KIAA1328: variants seen among roughly 807,000 people sequenced by gnomAD.
KIAA1328 encodes the protein KIAA1328, also known as protein hinderin.
In KIAA1328, 52 loss-of-function variants were observed where a neutral mutation model predicts 68.1. The observed-to-expected ratio is 0.76, with a 90% confidence interval of 0.61 to 0.96. KIAA1328 has a LOEUF of 0.96. KIAA1328 is among the 40% of genes least tolerant of loss of function. The pLI is 0.00. For missense variants in KIAA1328, 641 were observed against 677.6 expected, an observed-to-expected ratio of 0.95 and a Z score of 0.60; for synonymous variants, 232 against 239.4, an observed-to-expected ratio of 0.97 and a Z score of 0.28.
chr18:36,926,905 C>G (rs1195681181), intron 5 of KIAA1328, among the ~76,000 whole-genome samples: 1 of 152,110 alleles, frequency 6.6e-6, no homozygotes, highest in Non-Finnish European at 1.5e-5. Flanking sequence ...CCTCAGGAAG[C>G]TTACAGTCAT....
intron 7 of KIAA1328, among the ~76,000 whole-genome samples, chr18:37,138,845 ATAT>A (rs1160764453): frequency 7.9e-5 from 12 of 152,134 alleles, no homozygotes; most frequent in Non-Finnish European, 1.5e-4. Flanking sequence ...CTGTCAGATA[ATAT>A]TATTGGATAT....
intron 6 of KIAA1328, among the ~76,000 whole-genome samples, chr18:37,004,369 C>T (rs1262614621): frequency 6.6e-6 from 1 of 151,590 alleles, no homozygotes; most frequent in East Asian, 1.9e-4. Flanking sequence ...TGACAGAGGA[C>T]TAATATCCAG....
At chr18:37,160,800 A>G (rs1014913212) in intron 8 of KIAA1328, among the ~76,000 whole-genome samples, 2 of 152,200 alleles carry the variant, frequency 1.3e-5, no homozygotes, top group African/African-American at 2.4e-5. Flanking sequence ...ACAATTCCCC[A>G]TATTGTGACT....
At chr18:37,186,816 T>G (rs1442067084) in intron 9 of KIAA1328, among the ~76,000 whole-genome samples, 1 of 152,172 alleles carries the variant, frequency 6.6e-6, no homozygotes, top group African/African-American at 2.4e-5. Context: ...TTATTAAGGC[T>G]TTCATTGATT....
intron 9 of KIAA1328, among the ~76,000 whole-genome samples, chr18:37,183,957 C>T (rs2059745333): frequency 1.3e-5 from 2 of 152,292 alleles, no homozygotes; most frequent in African/African-American, 2.4e-5. Context: ...CCTCTCCTGC[C>T]CCACAAAGGA....
chr18:37,040,809 T>A (rs2055216073), intron 6 of KIAA1328, among the ~76,000 whole-genome samples: 1 of 151,876 alleles, frequency 6.6e-6, no homozygotes, highest in African/African-American at 2.4e-5. Flanking sequence ...TCCTTTTCAA[T>A]CCATGATTTT....
chr18:37,182,178 G>A (rs1044131186), intron 9 of KIAA1328, among the ~76,000 whole-genome samples: 2 of 152,050 alleles, frequency 1.3e-5, no homozygotes, highest in African/African-American at 4.8e-5. Context: ...TGTTCATTTG[G>A]TCCAAGGTTA....
At chr18:36,980,009 G>C (rs2052620909) in intron 6 of KIAA1328, among the ~76,000 whole-genome samples, 1 of 152,016 alleles carries the variant, frequency 6.6e-6, no homozygotes, top group Admixed American at 6.6e-5. Flanking sequence ...TTGAAGGAGT[G>C]GGTTCCCTTA....
At chr18:37,054,040 G>T (rs2055811928) in intron 6 of KIAA1328, among the ~76,000 whole-genome samples, 1 of 150,250 alleles carries the variant, frequency 6.7e-6, no homozygotes, top group African/African-American at 2.4e-5. Flanking sequence ...AAGTGGCCAA[G>T]AAACATGAAA....
chr18:37,094,413 A>G (rs936501133), intron 7 of KIAA1328, among the ~76,000 whole-genome samples: 1 of 152,218 alleles, frequency 6.6e-6, no homozygotes, highest in African/African-American at 2.4e-5. Flanking sequence ...TTATCCTTCA[A>G]AAATGAAGGA....
At chr18:37,101,278 A>G (rs1166099186) in intron 7 of KIAA1328, among the ~76,000 whole-genome samples, 1 of 152,230 alleles carries the variant, frequency 6.6e-6, no homozygotes, top group Non-Finnish European at 1.5e-5. Flanking sequence ...AAAAAAAATT[A>G]GACAAATGGC....
At chr18:37,047,386 T>C (rs1314502809) in intron 6 of KIAA1328, among the ~76,000 whole-genome samples, 1 of 152,154 alleles carries the variant, frequency 6.6e-6, no homozygotes, top group Non-Finnish European at 1.5e-5. Context: ...CTATATTAGA[T>C]GGGCATAAGG....
intron 3 of KIAA1328, among the ~76,000 whole-genome samples, chr18:36,843,529 G>C (rs1420756862): frequency 6.6e-6 from 1 of 152,162 alleles, no homozygotes; most frequent in Non-Finnish European, 1.5e-5. Context: ...TAGCACAAAA[G>C]ATTAGAATAA....
chr18:37,081,791 C>T (rs1344419787), intron 7 of KIAA1328, among the ~76,000 whole-genome samples: 9 of 152,106 alleles, frequency 5.9e-5, no homozygotes, highest in African/African-American at 1.9e-4. Flanking sequence ...CCTTTTCCTC[C>T]GATTTAAATA....
Position 37,174,543 on chromosome 18 carries a change from C to T in KIAA1328, c.1523+1462C>T, listed in dbSNP as rs184461532. Among the ~76,000 whole-genome samples, 214 of 150,458 alleles carry T rather than the reference C, an allele frequency of 1.4e-3. 1 individual carries two copies. Among genetic ancestry groups the T allele is most frequent in the Non-Finnish European group, 2.6e-3 (175 of 67,534 alleles). Reference sequence around the variant, plus strand: ...GACTACAGGCGCCCACCACCACACCCGGCTAATTTTTTTTTGGATTTTTAT... The same window carrying T: ...GACTACAGGCGCCCACCACCACACCTGGCTAATTTTTTTTTGGATTTTTAT... On this transcript the variant is annotated intron_variant, in intron 9 of 9. Transcript: ENST00000280020.
intron 5 of KIAA1328, among the ~76,000 whole-genome samples, chr18:36,904,543 C>T (rs911339643): frequency 6.6e-6 from 1 of 152,092 alleles, no homozygotes; most frequent in African/African-American, 2.4e-5. Flanking sequence ...TTGACCTACT[C>T]TAGCTTCTGA....
rs1490074329 is a variant in KIAA1328, at chr18:37,067,181, T to C, written c.868T>C (p.Leu290=). 4.3e-6 allele frequency: 7 copies of C among 1,613,866 alleles called. No homozygotes were observed. The highest frequency in any genetic ancestry group is 4.0e-5 in the African/African-American group (3 of 74,918). ...VPTEKMPQEE[L]HMKECPHLKP... is the part of the protein sequence containing the mutation. ...AACAGAGAAAATGCCACAAGAAGAA[T>C]TGCACATGAAGGAATGTCCACATCT... Residue 290 remains leucine (L), a synonymous_variant, in exon 7 of 10, where the codon TTG becomes CTG. Coordinates refer to ENST00000280020, the MANE Select transcript of KIAA1328 (RefSeq NM_020776.3).
intron 6 of KIAA1328, among the ~76,000 whole-genome samples, chr18:36,992,961 G>A (rs1397623133): frequency 2.6e-5 from 4 of 152,090 alleles, no homozygotes; most frequent in African/African-American, 9.7e-5. Context: ...AAAAAAATCA[G>A]TTGGGTGGAG....
At chr18:37,100,343 G>A (rs555217561) in intron 7 of KIAA1328, among the ~76,000 whole-genome samples, 110 of 152,326 alleles carry the variant, frequency 7.2e-4, no homozygotes, top group African/African-American at 2.4e-3. Context: ...TTTTCCAATG[G>A]TCTTAGCAAA....
Sources: gnomAD v4.1 joint callset for allele counts (sites outside exome capture counted in the v4.1 genomes callset) on GRCh38, gnomAD v4.1.1 for gene constraint, MANE v1.5 for transcripts, NCBI Gene and HGNC (gene_info 2026-07-23, HGNC 2026-07-21) for gene names.